The following IGSF10 variants were observed in gnomAD, a reference collection of about 807,000 sequenced individuals.
IGSF10 encodes immunoglobulin superfamily member 10.
IGSF10 carries 126 observed loss-of-function variants against 128.2 expected under a neutral mutation model. That is an observed-to-expected ratio of 0.98 (90% CI 0.85 to 1.14). The LOEUF (loss-of-function observed/expected upper bound fraction) is 1.14. IGSF10 is among the 50% of genes most tolerant of loss of function. The pLI is 0.00. For missense variants in IGSF10, 3,295 were observed against 3,149.8 expected, an observed-to-expected ratio of 1.05 and a Z score of -1.10; for synonymous variants, 1,185 against 1,146.2, an observed-to-expected ratio of 1.03 and a Z score of -0.68.
At chr3:151,573,556 CT>C in the IGSF10 span, among the ~76,000 whole-genome samples, 101 of 151,982 alleles carry the variant, frequency 6.6e-4, no homozygotes, top group African/African-American at 2.3e-3. Context: ...GCAACCTCTG[CT>C]TTTTTTTGAT....
At chr3:151,531,631 C>A in the IGSF10 span, among the ~76,000 whole-genome samples, 1 of 140,146 alleles carries the variant, frequency 7.1e-6, no homozygotes, top group Non-Finnish European at 1.6e-5. Context: ...TTTTTTGAAA[C>A]CAATGAGAAC....
chr3:151,527,944 T>A, the IGSF10 span, among the ~76,000 whole-genome samples: 1 of 133,314 alleles, frequency 7.5e-6, no homozygotes, highest in African/African-American at 3.0e-5. Flanking sequence ...CAGAGCAAGA[T>A]CCTGTCTTGA....
At chr3:151,483,172 C>T in the IGSF10 span, among the ~76,000 whole-genome samples, 130,743 of 152,134 alleles carry the variant, frequency 0.86, 56,422 homozygotes, top group Middle Eastern at 0.95. Context: ...GTAAAGCTGG[C>T]GTGTAAACCA....
chr3:151,465,824 A>C (rs1722263621), upstream of IGSF10, among the ~76,000 whole-genome samples: 1 of 152,208 alleles, frequency 6.6e-6, no homozygotes, highest in South Asian at 2.1e-4. Flanking sequence ...ACTGTAATCT[A>C]ATTTAATCGG....
At chr3:151,577,115 T>C in the IGSF10 span, among the ~76,000 whole-genome samples, 2,465 of 152,312 alleles carry the variant, frequency 0.016, 22 homozygotes, top group South Asian at 0.025. Flanking sequence ...GTCCATATAT[T>C]TATGTATATA....
At chr3:151,435,062 C>CTTTTTTTTTTTTTTTTTTT (rs66791814), downstream of IGSF10, 2 of 119,082 alleles carry the variant, frequency 1.7e-5, no homozygotes, top group African/African-American at 3.1e-5. Flanking sequence ...TGAGAGGTTT[C>CTTTTTTTTTTTTTTTTTTT]TTTTTTTTTT....
At chr3:151,464,274 A>G (rs186257963), upstream of IGSF10, among the ~76,000 whole-genome samples, 226 of 151,542 alleles carry the variant, frequency 1.5e-3, no homozygotes, top group African/African-American at 4.9e-3. Flanking sequence ...TCTTTTTGTT[A>G]CTCTTTTCTT....
chr3:151,447,901 G>C lies in IGSF10; in HGVS notation c.2080C>G (p.Pro694Ala), dbSNP rs762493707. The change falls in exon 6 of 8, where the codon CCA becomes GCA. Residue 694 changes from proline to alanine, a missense_variant. Transcript: ENST00000282466. ...GCAGATGTACGGAGTTGTGCACCTG[G>C]TGGCTCCTTAAGATGAGCAATAGGA... The part of the protein sequence containing the change: ...SNPIAHLKEP[P>A]GAQLRTSALM... The C allele has an allele frequency of 6.2e-7, 1 of 1,614,046 alleles. No individual in the cohort carries two copies. Among genetic ancestry groups the C allele is most frequent in the Admixed American group, 1.7e-5 (1 of 60,004 alleles).
the IGSF10 span, among the ~76,000 whole-genome samples, chr3:151,471,035 G>A: frequency 5.3e-5 from 8 of 152,164 alleles, no homozygotes; most frequent in Admixed American, 1.3e-4. Context: ...TGTCCCCACC[G>A]AAATCGCACC....
chr3:151,490,522 C>G, the IGSF10 span, among the ~76,000 whole-genome samples: 3 of 144,234 alleles, frequency 2.1e-5, no homozygotes, highest in Non-Finnish European at 4.6e-5. Context: ...TTTTTTTTAC[C>G]AAAAAGACCT....
chr3:151,559,871 C>T, the IGSF10 span, among the ~76,000 whole-genome samples: 17 of 152,220 alleles, frequency 1.1e-4, no homozygotes, highest in South Asian at 2.1e-4. Context: ...GCAGTTCCAA[C>T]GTGATGAAGA....
In IGSF10 at chr3:151,436,771, G is replaced by C; in HGVS notation, c.7790C>G (p.Thr2597Ser). The C allele has an allele frequency of 1.2e-6, 2 of 1,614,140 alleles. No individual in the cohort carries two copies. The highest frequency in any genetic ancestry group is 1.7e-6 in the Non-Finnish European group (2 of 1,179,990). ...QGTLVIQNPQ[T>S]SDSGIYKCTA... ...GCATTTGTATATCCCAGAATCGGAGGTTTGGGGATTCTGAATGACTAGGGT... is the reference window on the plus strand; with the variant it reads ...GCATTTGTATATCCCAGAATCGGAGCTTTGGGGATTCTGAATGACTAGGGT... The change falls in exon 8 of 8, where the codon ACC (threonine) becomes AGC (serine). Residue 2597 changes from threonine (T) to serine (S), a missense_variant. Physicochemically the swap from Thr to Ser is moderately conservative, Grantham distance 58 (BLOSUM62 1). Coordinates refer to ENST00000282466, the MANE Select transcript of IGSF10 (RefSeq NM_178822.5).
chr3:151,474,046 G>A, the IGSF10 span, among the ~76,000 whole-genome samples: 1 of 152,002 alleles, frequency 6.6e-6, no homozygotes, highest in Non-Finnish European at 1.5e-5. Context: ...GTGAATTGGG[G>A]AAAATCTTAG....
At chr3:151,529,685 TCA>T in the IGSF10 span, among the ~76,000 whole-genome samples, 10 of 151,968 alleles carry the variant, frequency 6.6e-5, no homozygotes, top group Non-Finnish European at 1.3e-4. Flanking sequence ...GGACGTCCAC[TCA>T]GAGACCACAT....
the IGSF10 span, among the ~76,000 whole-genome samples, chr3:151,585,509 G>A: frequency 3.3e-5 from 5 of 152,042 alleles, no homozygotes; most frequent in African/African-American, 1.2e-4. Flanking sequence ...ACATGTCACT[G>A]TGTTTTCATG....
Position 151,453,385 on chromosome 3 carries a change from T to C in IGSF10, c.714A>G (p.Pro238=), listed in dbSNP as rs1465011110. ...KWLSDWIQEK[P]DVIKCKKDRS... Reference sequence around the variant, plus strand: ...CAAAAAAATAAACAATATAGATACCTGGCTTCTCCTGTATCCAGTCAGACA... The same window carrying C: ...CAAAAAAATAAACAATATAGATACCCGGCTTCTCCTGTATCCAGTCAGACA... Residue 238 remains proline (P), a splice_region_variant and synonymous_variant, in exon 5 of 8, where the codon CCA becomes CCG. Coordinates refer to ENST00000282466, the MANE Select transcript of IGSF10 (RefSeq NM_178822.5). The C allele has an allele frequency of 1.9e-6, 3 of 1,576,922 alleles. No individual in the cohort carries two copies. The highest frequency in any genetic ancestry group is 2.6e-6 in the Non-Finnish European group (3 of 1,167,834).
upstream of IGSF10, among the ~76,000 whole-genome samples, chr3:151,465,450 T>C (rs1388251612): frequency 1.3e-5 from 2 of 152,338 alleles, no homozygotes; most frequent in East Asian, 3.9e-4. Flanking sequence ...AAGTATTGTA[T>C]CAAAAGCCAT....
At chr3:151,463,523 G>GGTTTTTTTTTTTTTTTTTTTT (rs1553837068), upstream of IGSF10, among the ~76,000 whole-genome samples, 1 of 31,272 alleles carries the variant, frequency 3.2e-5, no homozygotes, top group Non-Finnish European at 6.5e-5. Context: ...ACATTTTCTG[G>GGTTTTTTTTTTTTTTTTTTTT]TTTTTTTTTT....
Position 151,445,404 on chromosome 3 carries a change from G to A in IGSF10, c.4577C>T (p.Pro1526Leu), listed in dbSNP as rs762020980. The change falls in exon 6 of 8, where the codon CCC (proline) becomes CTC (leucine). Residue 1526 changes from proline to leucine, a missense_variant. Transcript: ENST00000282466. Reference sequence around the variant, plus strand: ...GAACTTGGCATTTGGGTGAACCTTGGGGGATGTTGCAACCTCTGCTACTAA... The same window carrying A: ...GAACTTGGCATTTGGGTGAACCTTGAGGGATGTTGCAACCTCTGCTACTAA... ...QQLVAEVATS[P>L]KVHPNAKFTI... 6 of 1,614,070 alleles carry A rather than the reference G, an allele frequency of 3.7e-6. No individual in the cohort carries two copies. Among genetic ancestry groups the A allele is most frequent in the Admixed American group, 1.7e-5 (1 of 60,006 alleles).
Sources: gnomAD v4.1 joint callset for allele counts (sites outside exome capture counted in the v4.1 genomes callset) on GRCh38, gnomAD v4.1.1 for gene constraint, MANE v1.5 for transcripts, NCBI Gene and HGNC (gene_info 2026-07-23, HGNC 2026-07-21) for gene names.